The following DARS1 variants were observed in gnomAD, a reference collection of about 807,000 sequenced individuals.
DARS1 encodes aspartate--tRNA ligase, cytoplasmic.
A neutral mutation model predicts 68.8 loss-of-function variants in DARS1; 51 were observed. The ratio of observed to expected loss-of-function variants is 0.74; its 90% CI spans 0.59 to 0.94. DARS1 has a LOEUF of 0.94. Ranked by LOEUF, DARS1 falls within the 40% of genes least tolerant of loss-of-function variation. The pLI is 0.00. For missense variants in DARS1, 607 were observed against 597.3 expected (o/e 1.02, Z -0.17); for synonymous variants, 203 against 190.4 (o/e 1.07, Z -0.55).
In DARS1 at chr2:135,914,486, G is replaced by A. The variant is rs1193605069; in HGVS notation, c.1132C>T (p.His378Tyr). The A allele has an allele frequency of 3.4e-6, 5 of 1,450,106 alleles. No homozygotes were observed. Among genetic ancestry groups the A allele is most frequent in the East Asian group, 2.3e-5 (1 of 44,034 alleles). The allele number at this position is 1,450,106 out of a possible 1,614,324, so 89.8% of individuals were successfully genotyped here. A position where few individuals can be genotyped will look rare whatever the true frequency, so the allele number is the denominator to read the frequency against. The change falls in exon 12 of 16, where the codon CAT becomes TAT. Residue 378 changes from histidine to tyrosine, a missense_variant. Coordinates refer to ENST00000264161, the MANE Select transcript of DARS1 (RefSeq NM_001349.4). ...LSTPNEKLLG[H>Y]LVKEKYDTDF... The stretch of plus-strand genomic sequence containing the variant: ...AGTCCTACCTTTTCCTTTACCAAAT[G>A]ACCCAACAGCTTTTCATTTGGTGTG...
intron 4 of DARS1, among the ~76,000 whole-genome samples, chr2:135,954,276 A>G (rs1403334165): frequency 6.7e-6 from 1 of 148,948 alleles, no homozygotes; most frequent in Non-Finnish European, 1.5e-5. Flanking sequence ...AATATTTCAC[A>G]TCTCGATTTC....
chr2:135,922,981 T>G lies in DARS1; in HGVS notation c.677-63A>C, dbSNP rs1412597381. 4 of 1,330,592 alleles carry G rather than the reference T, an allele frequency of 3.0e-6. No homozygotes were observed. The African/African-American group carries it at 6.1e-5, about 20-fold the overall frequency. 82.4% of individuals were successfully genotyped at this position (1,330,592 alleles called of 1,614,324 possible). On this transcript the variant is annotated intron_variant, in intron 8 of 15. Transcript: ENST00000264161. ...AATTGTAAACTTATCAATGCAAACCTCTAGTTAAAAAGTTTATACTCAGGT... is the reference window on the plus strand; with the variant it reads ...AATTGTAAACTTATCAATGCAAACCGCTAGTTAAAAAGTTTATACTCAGGT...
chr2:135,944,325 A>C (rs538209548), intron 4 of DARS1, among the ~76,000 whole-genome samples: 27 of 152,296 alleles, frequency 1.8e-4, no homozygotes, highest in African/African-American at 6.0e-4. Flanking sequence ...AGTTGATGAA[A>C]AGGATAAGAT....
rs1558788304 is a variant in DARS1 at position 135,943,405 on chromosome 2, CTG to C, written c.394_395del (p.Gln132AlafsTer4). On this transcript the variant is annotated frameshift_variant, in exon 5 of 16. Transcript: ENST00000264161. LOFTEE classifies it high-confidence loss of function. The stretch of plus-strand genomic sequence containing the variant: ...TCTGAACATGTAACTCAACGTCTTG[CTG>C]TGTACAGCTTCCAATTTTCTGATTC... ...KVNQKIGSCT[Q>X]QDVELHVQKI... The C allele has an allele frequency of 1.2e-6, 2 of 1,613,376 alleles. No homozygotes were observed. Among genetic ancestry groups the C allele is most frequent in the Admixed American group, 3.3e-5 (2 of 59,956 alleles).
At chr2:135,968,658 C>CTTTTT (rs765797736) in intron 3 of DARS1, among the ~76,000 whole-genome samples, 5 of 129,068 alleles carry the variant, frequency 3.9e-5, no homozygotes, top group Non-Finnish European at 6.6e-5. Flanking sequence ...GGGGATTCAG[C>CTTTTT]TTTTTTTTTT....
chr2:135,912,782 C>T (rs1288135411), intron 12 of DARS1, among the ~76,000 whole-genome samples: 2 of 151,260 alleles, frequency 1.3e-5, no homozygotes, highest in Non-Finnish European at 2.9e-5. Flanking sequence ...TTAGGCATTA[C>T]TTATTATCCA....
intron 2 of DARS1, among the ~76,000 whole-genome samples, chr2:135,980,258 G>A (rs1682593375): frequency 6.6e-6 from 1 of 152,156 alleles, no homozygotes; most frequent in African/African-American, 2.4e-5. Context: ...GTAAAGATGT[G>A]TATACAACGC....
Position 135,945,753 on chromosome 2 carries a change from T to C in DARS1, c.321-2273A>G, listed in dbSNP as rs1272155762. On this transcript the variant is annotated intron_variant, in intron 4 of 15. Coordinates refer to ENST00000264161, the MANE Select transcript of DARS1 (RefSeq NM_001349.4). ...AATTAACTTCTGAAACCACAAACTA[T>C]TTCTTAAGCTAGGGCCAAAGCTATT... Among the ~76,000 whole-genome samples the C allele has an allele frequency of 2.6e-5, 4 of 152,216 alleles. 1 individual carries two copies. The highest frequency in any genetic ancestry group is 6.5e-5 in the Admixed American group (1 of 15,280).
chr2:135,922,589 T>C (rs1681127405), intron 9 of DARS1, among the ~76,000 whole-genome samples, 195 bp downstream of exon 9: 1 of 152,194 alleles, frequency 6.6e-6, no homozygotes, highest in South Asian at 2.1e-4. Context: ...GACCATATTA[T>C]TATTACTATT....
At chr2:135,935,615 T>G (rs929812084) in intron 5 of DARS1, among the ~76,000 whole-genome samples, 1 of 151,882 alleles carries the variant, frequency 6.6e-6, no homozygotes, top group Non-Finnish European at 1.5e-5. Flanking sequence ...AATAAATAAA[T>G]AAATAAATAA....
At chr2:135,932,598 C>T (rs1315128831) in intron 7 of DARS1, among the ~76,000 whole-genome samples, 185 bp downstream of exon 7, 1 of 152,170 alleles carries the variant, frequency 6.6e-6, no homozygotes, top group East Asian at 1.9e-4. Context: ...TAGTATTTAA[C>T]CGCTCCTGTT....
At chr2:135,910,802 A>C (rs568315726) in intron 15 of DARS1, 8 of 208,910 alleles carry the variant, frequency 3.8e-5, no homozygotes, top group Admixed American at 1.7e-4. Flanking sequence ...TCTTAAAGTG[A>C]ATCAAGTGCT....
chr2:135,912,412 A>G, intron 13 of DARS1, 74 bp downstream of exon 13: 2 of 665,218 alleles, frequency 3.0e-6, no homozygotes, highest in Non-Finnish European at 2.7e-6. Flanking sequence ...CATTATTCCT[A>G]TTATACAATC....
chr2:135,938,845 AACAGGGGTTGC>A (rs1048043869), intron 5 of DARS1, among the ~76,000 whole-genome samples: 1 of 152,140 alleles, frequency 6.6e-6, no homozygotes, highest in African/African-American at 2.4e-5. Flanking sequence ...AACCAAAAAA[AACAGGGGTTGC>A]AACCCTAGTC....
chr2:135,910,876 T>G (rs981743123), intron 15 of DARS1: 1 of 352,416 alleles, frequency 2.8e-6, no homozygotes, highest in Non-Finnish European at 5.3e-6. Flanking sequence ...TAATTTGTGC[T>G]AATGCGAATG....
intron 5 of DARS1, among the ~76,000 whole-genome samples, chr2:135,940,375 A>ATTGAT (rs1270888739): frequency 6.6e-6 from 1 of 152,210 alleles, no homozygotes; most frequent in Non-Finnish European, 1.5e-5. Flanking sequence ...CAATAAACGT[A>ATTGAT]ATCCAGCATA....
chr2:135,910,116 G>A (rs1432251267), intron 15 of DARS1, among the ~76,000 whole-genome samples: 2 of 152,096 alleles, frequency 1.3e-5, no homozygotes, highest in Non-Finnish European at 2.9e-5. Flanking sequence ...AAATAATGCT[G>A]CATTGAACAT....
intron 4 of DARS1, among the ~76,000 whole-genome samples, chr2:135,948,690 C>T (rs542399138): frequency 6.6e-6 from 1 of 151,930 alleles, no homozygotes; most frequent in Non-Finnish European, 1.5e-5. Context: ...CATGGTGAAA[C>T]CCCGTCTCCA....
At chr2:135,981,410 C>G (rs118100102) in intron 2 of DARS1, among the ~76,000 whole-genome samples, 1 of 152,100 alleles carries the variant, frequency 6.6e-6, no homozygotes, top group East Asian at 1.9e-4. Flanking sequence ...TTGAGCATTC[C>G]TAACCCGAAA....
Sources: gnomAD v4.1 joint callset for allele counts (sites outside exome capture counted in the v4.1 genomes callset) on GRCh38, gnomAD v4.1.1 for gene constraint, MANE v1.5 for transcripts, NCBI Gene and HGNC (gene_info 2026-07-23, HGNC 2026-07-21) for gene names.